Variants in EDRF1 observed in about 807,000 individuals in gnomAD.
EDRF1 encodes the protein erythroid differentiation-related factor 1.
Under a neutral mutation model 148.7 loss-of-function variants are expected in EDRF1, and 69 were observed. The observed-to-expected ratio is 0.46, with a 90% confidence interval of 0.38 to 0.57. The LOEUF (loss-of-function observed/expected upper bound fraction) is 0.57. Among genes scored for constraint, EDRF1 ranks in the 20% least tolerant of loss-of-function variants. EDRF1 has a pLI of 0.00. For synonymous variants in EDRF1, 515 were observed against 532.8 expected, an observed-to-expected ratio of 0.97 and a Z score of 0.46; for missense variants, 1,118 against 1,478.7, an observed-to-expected ratio of 0.76 and a Z score of 4.00.
intron 22 of EDRF1, among the ~76,000 whole-genome samples, chr10:125,751,312 G>T (rs1046869353): frequency 1.3e-5 from 2 of 152,138 alleles, no homozygotes; most frequent in Non-Finnish European, 2.9e-5. Flanking sequence ...ATATTTTAGA[G>T]GGTTTTGTTA....
intron 18 of EDRF1, chr10:125,745,213 G>GGTCGCCGTATCGTTAAAA: frequency 5.5e-6 from 1 of 181,788 alleles, no homozygotes; most frequent in Non-Finnish European, 1.2e-5. Context: ...TAGACTAGGT[G>GGTCGCCGTATCGTTAAAA]ACATAATGAG....
rs905950223 is a variant in EDRF1 at position 125,749,641 on chromosome 10, G to A, written c.3277+76G>A. 77 of 1,536,110 alleles carry A rather than the reference G, an allele frequency of 5.0e-5. No homozygotes were observed. In the African/African-American group the frequency reaches 8.5e-4, roughly 17 times the overall value. ...GATTGTCTTAGAGTAAGGCAGGCCT[G>A]TGAATCTAAATAATACTATTTTCTT... is the stretch of plus-strand genomic sequence containing the variant. On this transcript the variant is annotated intron_variant, in intron 22 of 24. Transcript: ENST00000356792.
intron 24 of EDRF1, among the ~76,000 whole-genome samples, chr10:125,760,781 G>T (rs989840976): frequency 2.0e-5 from 3 of 152,116 alleles, no homozygotes; most frequent in African/African-American, 4.8e-5. Flanking sequence ...CAAGGATTCT[G>T]CATCCACAGA....
chr10:125,747,426 T>A (rs1040899214), intron 19 of EDRF1, 110 bp from the exon 20 acceptor site: 5 of 1,205,692 alleles, frequency 4.1e-6, no homozygotes, highest in Non-Finnish European at 6.1e-6. Context: ...TTATAAATTA[T>A]CCCAAAATTA....
chr10:125,747,378 T>C, intron 19 of EDRF1, 158 bp from the exon 20 acceptor site: 1 of 829,800 alleles, frequency 1.2e-6, no homozygotes. Context: ...AATATTTTCA[T>C]TGACTTACTT....
At chr10:125,757,936 C>G (rs1849994343) in intron 24 of EDRF1, among the ~76,000 whole-genome samples, 7 of 152,130 alleles carry the variant, frequency 4.6e-5, no homozygotes. Context: ...TTCTTCTGTT[C>G]CATTCTCTCT....
chr10:125,740,992 T>C lies in EDRF1; in HGVS notation c.2171-9T>C. The C allele has an allele frequency of 6.2e-7, 1 of 1,613,740 alleles. No individual in the cohort carries two copies. On this transcript the variant is annotated splice_polypyrimidine_tract_variant and intron_variant, in intron 16 of 24. Transcript: ENST00000356792. ...TGTGTTTTTTCTTCTTCCCTCCCTT[T>C]CTAAACAGATACTTATTGCTGCCTC...
intron 22 of EDRF1, among the ~76,000 whole-genome samples, chr10:125,750,700 C>T (rs1849592581): frequency 6.6e-6 from 1 of 152,166 alleles, no homozygotes. Flanking sequence ...CCCATTTGGA[C>T]CTTGTAAATT....
intron 24 of EDRF1, among the ~76,000 whole-genome samples, chr10:125,754,593 C>G (rs1204070324): frequency 6.6e-6 from 1 of 152,194 alleles, no homozygotes; most frequent in African/African-American, 2.4e-5. Context: ...GCGCACACCT[C>G]CGCAGAAATG....
At chr10:125,757,143 C>T in intron 24 of EDRF1, 1 of 342,588 alleles carries the variant, frequency 2.9e-6, no homozygotes, top group Non-Finnish European at 5.6e-6. Context: ...TCCAGTCTTA[C>T]AATTGGTGTC....
intron 20 of EDRF1, 32 bp from the exon 21 acceptor site, chr10:125,747,831 T>A: frequency 6.2e-7 from 1 of 1,613,908 alleles, no homozygotes; most frequent in Non-Finnish European, 8.5e-7. Flanking sequence ...ATTAGAAGCT[T>A]ATTTTTTTCT....
chr10:125,724,183 A>G (rs548238643), intron 4 of EDRF1, among the ~76,000 whole-genome samples: 12 of 152,330 alleles, frequency 7.9e-5, no homozygotes, highest in African/African-American at 2.4e-4. Flanking sequence ...GATGAAGCCA[A>G]TGAAGAAAGT....
intron 6 of EDRF1, among the ~76,000 whole-genome samples, chr10:125,727,567 G>A (rs539391252): frequency 6.6e-6 from 1 of 152,152 alleles, no homozygotes. Context: ...TAACTTGTCT[G>A]TGTAAACAAA....
At chr10:125,757,485 A>G (rs1279184116) in intron 24 of EDRF1, among the ~76,000 whole-genome samples, 2 of 152,248 alleles carry the variant, frequency 1.3e-5, no homozygotes, top group East Asian at 3.8e-4. Context: ...GTTATCTTTA[A>G]GAGCAATTAA....
At chr10:125,758,732 G>C (rs577488813) in intron 24 of EDRF1, among the ~76,000 whole-genome samples, 1 of 152,124 alleles carries the variant, frequency 6.6e-6, no homozygotes, top group South Asian at 2.1e-4. Flanking sequence ...TACTCTCACA[G>C]TTCTTCCAGC....
chr10:125,740,681 A>C, intron 16 of EDRF1, 30 bp downstream of exon 16: 1 of 1,601,574 alleles, frequency 6.2e-7, no homozygotes, highest in Non-Finnish European at 8.5e-7. Flanking sequence ...TATGTTTAAT[A>C]GGCACTGGGA....
chr10:125,756,784 TCTTG>T (rs1849919888), intron 24 of EDRF1: 2 of 423,774 alleles, frequency 4.7e-6, no homozygotes, highest in African/African-American at 2.1e-5. Context: ...AATAGTTGGG[TCTTG>T]CTTTTTATTT....
At chr10:125,746,231 G>A (rs1263885718) in intron 19 of EDRF1, among the ~76,000 whole-genome samples, 2 of 152,208 alleles carry the variant, frequency 1.3e-5, no homozygotes, top group Non-Finnish European at 2.9e-5. Context: ...AGTATTAGAA[G>A]AAAATATAGG....
At chr10:125,748,443 G>A (rs1453917782) in intron 21 of EDRF1, 1 of 229,480 alleles carries the variant, frequency 4.4e-6, no homozygotes, top group African/African-American at 2.3e-5. Context: ...GATTGTACAT[G>A]AATCCTGGTG....
Sources: gnomAD v4.1 joint callset for allele counts (sites outside exome capture counted in the v4.1 genomes callset) on GRCh38, gnomAD v4.1.1 for gene constraint, MANE v1.5 for transcripts, NCBI Gene and HGNC (gene_info 2026-07-23, HGNC 2026-07-21) for gene names.